SDK1: variants seen among roughly 807,000 people sequenced by gnomAD.
SDK1 encodes the protein protein sidekick-1.
A neutral mutation model predicts 245.5 loss-of-function variants in SDK1; 157 were observed. That is an observed-to-expected ratio of 0.64 (90% CI 0.56 to 0.73). The LOEUF (loss-of-function observed/expected upper bound fraction) is 0.73, where lower values mean the gene tolerates loss of function less well. Among genes scored for constraint, SDK1 ranks in the 30% least tolerant of loss-of-function variants. The probability of loss-of-function intolerance (pLI) is 0.00; values close to 1 mark genes in which losing one functional copy is unlikely to be tolerated. For missense variants in SDK1, 3,583 were observed against 3,002.3 expected (o/e 1.19, Z -4.52); for synonymous variants, 1,647 against 1,278.5 (o/e 1.29, Z -6.15).
At chr7:3,816,291 C>G (rs1402123551) in intron 4 of SDK1, among the ~76,000 whole-genome samples, 2 of 151,722 alleles carry the variant, frequency 1.3e-5, no homozygotes, top group Non-Finnish European at 2.9e-5. Context: ...CCTTCAAAAA[C>G]TCAATGAATC....
At position 4,208,032 on chromosome 7, in the gene SDK1, C is replaced by T. The variant is rs995162362; in HGVS notation, c.5215-67C>T. 19 of 1,243,184 alleles carry T rather than the reference C, an allele frequency of 1.5e-5. No individual in the cohort carries two copies. In the South Asian group the frequency reaches 2.4e-4, roughly 16 times the overall value. The allele number at this position is 1,243,184 out of a possible 1,614,324, so 77.0% of individuals were successfully genotyped here. ...CTCACCCCCTCGCTTTGACCTTACA[C>T]TCAGTGGCCCCCGCTTACTGGAAGG... is the stretch of plus-strand genomic sequence containing the variant. On this transcript the variant is annotated intron_variant, in intron 36 of 44. Coordinates refer to ENST00000404826, the MANE Select transcript of SDK1 (RefSeq NM_152744.4).
intron 1 of SDK1, among the ~76,000 whole-genome samples, chr7:3,417,968 G>A (rs899414570): frequency 1.3e-5 from 2 of 151,942 alleles, no homozygotes; most frequent in Admixed American, 6.6e-5. Context: ...ACGCAACATT[G>A]GAACCCTTAC....
intron 40 of SDK1, among the ~76,000 whole-genome samples, chr7:4,225,990 C>T (rs1785423354): frequency 6.6e-6 from 1 of 152,146 alleles, no homozygotes; most frequent in Non-Finnish European, 1.5e-5. Flanking sequence ...CCCCTCCCTT[C>T]AATGATTAAG....
Position 4,220,272 on chromosome 7 carries a change from TA to T in SDK1, c.5701+4del. On this transcript the variant is annotated splice_donor_region_variant and intron_variant, in intron 39 of 44. Coordinates refer to ENST00000404826, the MANE Select transcript of SDK1 (RefSeq NM_152744.4). ...ATATCACAGCCGGGCCAGCCGAGGG[TA>T]AGTGGAACTCCAGGGGCAGACAATG... The T allele has an allele frequency of 6.2e-7, 1 of 1,612,202 alleles. No homozygotes were observed. The highest frequency in any genetic ancestry group is 8.5e-7 in the Non-Finnish European group (1 of 1,178,818).
intron 4 of SDK1, among the ~76,000 whole-genome samples, chr7:3,753,730 A>T (rs1160287661): frequency 6.6e-6 from 1 of 152,148 alleles, no homozygotes; most frequent in African/African-American, 2.4e-5. Context: ...ATGAAGTGAC[A>T]GGCCTTGGTT....
rs910680477 is a variant in SDK1 at position 4,267,250 on chromosome 7, C to T, written c.*1866C>T. 2 of 717,618 alleles carry T rather than the reference C, an allele frequency of 2.8e-6. No homozygotes were observed. The highest frequency in any genetic ancestry group is 1.3e-4 in the East Asian group (1 of 7,502). The allele number at this position is 717,618 out of a possible 1,614,324, so 44.5% of individuals were successfully genotyped here. A position where few individuals can be genotyped will look rare whatever the true frequency, so the allele number is the denominator to read the frequency against. ...CCTCCCTTCCTCTCTTCTTTCCTCC[C>T]TCCCTCCCTCCTTCCCTCCCTTCCT... On this transcript the variant is annotated 3_prime_UTR_variant, in exon 45 of 45. Transcript: ENST00000404826.
intron 30 of SDK1, among the ~76,000 whole-genome samples, chr7:4,152,419 T>C (rs1780446649): frequency 1.3e-5 from 2 of 152,172 alleles, no homozygotes; most frequent in Non-Finnish European, 1.5e-5. Flanking sequence ...ATGCTTAGCT[T>C]AATTGGCAGT....
intron 20 of SDK1, among the ~76,000 whole-genome samples, chr7:4,075,997 G>A (rs1377624686): frequency 6.6e-6 from 1 of 152,090 alleles, no homozygotes; most frequent in African/African-American, 2.4e-5. Context: ...ATCCCAGGTT[G>A]AATAAATTTT....
rs564457338 is a variant in SDK1 at position 3,888,191 on chromosome 7, T to C, written c.848-62732T>C. ...TGGCTGGCACAGACTCCATTTGATG[T>C]AGGAGGAACTCATACCCTTGTAGCT... On this transcript the variant is annotated intron_variant, in intron 5 of 44. Coordinates refer to ENST00000404826, the MANE Select transcript of SDK1 (RefSeq NM_152744.4). 3.8e-4 allele frequency among the ~76,000 whole-genome samples: 58 copies of C among 152,346 alleles called. 1 individual carries two copies. Among genetic ancestry groups the C allele is most frequent in the Admixed American group, 2.6e-3 (40 of 15,306 alleles).
At chr7:4,244,449 GCAATGTTGTACT>G (rs1451298530) in intron 43 of SDK1, among the ~76,000 whole-genome samples, 2 of 152,192 alleles carry the variant, frequency 1.3e-5, no homozygotes, top group African/African-American at 4.8e-5. Context: ...TGAAAATTCA[GCAATGTTGTACT>G]CAGAGTTTTT....
At chr7:3,646,671 A>T (rs993371994) in intron 4 of SDK1, among the ~76,000 whole-genome samples, 5 of 151,910 alleles carry the variant, frequency 3.3e-5, no homozygotes, top group African/African-American at 1.2e-4. Flanking sequence ...GTTTTTGATT[A>T]TTTTTTCCAT....
intron 4 of SDK1, among the ~76,000 whole-genome samples, chr7:3,706,543 A>C (rs1784894784): frequency 6.6e-6 from 1 of 152,160 alleles, no homozygotes; most frequent in African/African-American, 2.4e-5. Context: ...CTGGGACTAC[A>C]GGTGCCCGCC....
chr7:4,009,465 G>C (rs1237172432), intron 14 of SDK1, among the ~76,000 whole-genome samples: 2 of 152,298 alleles, frequency 1.3e-5, no homozygotes, highest in South Asian at 2.1e-4. Flanking sequence ...GAGTAAAAAG[G>C]GAAGTTGCTG....
chr7:3,959,130 C>T (rs1781480828), intron 8 of SDK1, 116 bp downstream of exon 8: 4 of 824,376 alleles, frequency 4.9e-6, no homozygotes, highest in Non-Finnish European at 6.2e-6. Context: ...TGGCGAAGAG[C>T]AGACTTCAGA....
intron 22 of SDK1, among the ~76,000 whole-genome samples, chr7:4,101,757 G>A (rs1782566140): frequency 6.6e-6 from 1 of 152,202 alleles, no homozygotes; most frequent in Non-Finnish European, 1.5e-5. Context: ...CCTGTGGTCG[G>A]TAGGAAGGAG....
intron 34 of SDK1, 90 bp from the exon 35 acceptor site, chr7:4,178,395 C>T (rs1309609877): frequency 2.1e-6 from 2 of 930,350 alleles, no homozygotes; most frequent in South Asian, 1.4e-5. Context: ...GGAGGGTGCT[C>T]CTTGCTTCAT....
At chr7:3,590,870 C>G (rs940024529) in intron 1 of SDK1, among the ~76,000 whole-genome samples, 1 of 151,074 alleles carries the variant, frequency 6.6e-6, no homozygotes, top group African/African-American at 2.4e-5. Context: ...GTGGCCTTGA[C>G]CTCCCAGGCT....
intron 29 of SDK1, among the ~76,000 whole-genome samples, chr7:4,146,259 C>T (rs1264667777): frequency 6.6e-6 from 1 of 151,336 alleles, no homozygotes; most frequent in Non-Finnish European, 1.5e-5. Context: ...TTTCGTGACA[C>T]ACTTTCAGCC....
intron 1 of SDK1, among the ~76,000 whole-genome samples, chr7:3,580,832 G>C (rs994429241): frequency 1.3e-5 from 2 of 151,744 alleles, no homozygotes; most frequent in Non-Finnish European, 2.9e-5. Flanking sequence ...GCTGGATGTG[G>C]TGGTATGCGC....
Sources: allele counts gnomAD v4.1 joint callset (sites outside exome capture counted in the v4.1 genomes callset), GRCh38; gene constraint gnomAD v4.1.1; transcripts MANE v1.5; gene names NCBI Gene and HGNC (gene_info 2026-07-23, HGNC 2026-07-21).